The following PCDH11X variants were observed in gnomAD, a reference collection of about 807,000 sequenced individuals.
PCDH11X encodes protocadherin-11 X-linked.
A neutral mutation model predicts 53.3 loss-of-function variants in PCDH11X; 18 were observed. The observed-to-expected ratio is 0.34, with a 90% CI of 0.23 to 0.50. The LOEUF is 0.50. Among genes scored for constraint, PCDH11X ranks in the 20% least tolerant of loss-of-function variants. The pLI, the probability that PCDH11X is intolerant of heterozygous loss-of-function variation, is 0.98. For synonymous variants in PCDH11X, 279 were observed against 393.3 expected (o/e 0.71, Z 3.44); for missense variants, 570 against 1,032.4 (o/e 0.55, Z 6.14).
chrX:92,068,884 T>G (rs2063656034), intron 6 of PCDH11X, among the ~76,000 whole-genome samples: 2 of 110,997 alleles, frequency 1.8e-5, no homozygotes, highest in Admixed American at 9.7e-5. Flanking sequence ...TTAAGACTAG[T>G]TTTGTGACTT....
chrX:92,127,298 C>T (rs1391542201), intron 6 of PCDH11X, among the ~76,000 whole-genome samples: 22 of 107,387 alleles, frequency 2.0e-4, no homozygotes, highest in Non-Finnish European at 3.8e-4. Flanking sequence ...GAGTGCTTTC[C>T]GTACCAGCCA....
chrX:92,444,303 G>A (rs1417903985), intron 9 of PCDH11X, among the ~76,000 whole-genome samples: 2 of 108,306 alleles, frequency 1.8e-5, no homozygotes, highest in Non-Finnish European at 3.8e-5. Flanking sequence ...TAAATGAGAT[G>A]ACATTCTTGA....
At chrX:91,794,391 T>A (rs2147526764) in intron 1 of PCDH11X, among the ~76,000 whole-genome samples, 1 of 111,716 alleles carries the variant, frequency 9.0e-6, no homozygotes, top group Admixed American at 9.5e-5. Context: ...CCATGTAGAC[T>A]GAGTTACTGG....
intron 6 of PCDH11X, among the ~76,000 whole-genome samples, chrX:92,195,336 G>T (rs1007550334): frequency 3.6e-5 from 4 of 111,461 alleles, no homozygotes; most frequent in African/African-American, 1.3e-4. Context: ...CAAGCTTGTT[G>T]ATTTTTCCAC....
intron 8 of PCDH11X, among the ~76,000 whole-genome samples, chrX:92,305,902 C>A (rs1020385515): frequency 1.9e-5 from 2 of 105,436 alleles, no homozygotes; most frequent in Non-Finnish European, 3.9e-5. Context: ...ACTGTTGAAC[C>A]AAATGTACAA....
At chrX:92,323,827 A>T (rs1176431168) in intron 8 of PCDH11X, among the ~76,000 whole-genome samples, 1 of 111,248 alleles carries the variant, frequency 9.0e-6, no homozygotes, top group Non-Finnish European at 1.9e-5. Context: ...AAATATCTGG[A>T]TTTCTCTCTG....
chrX:92,489,562 C>T (rs1027755647), intron 10 of PCDH11X, among the ~76,000 whole-genome samples: 7 of 108,952 alleles, frequency 6.4e-5, no homozygotes, highest in East Asian at 2.9e-4. Flanking sequence ...GCATGTATCC[C>T]GACTCCTGCT....
At chrX:91,917,740 CAT>C (rs1201358116) in intron 6 of PCDH11X, among the ~76,000 whole-genome samples, 1 of 105,885 alleles carries the variant, frequency 9.4e-6, no homozygotes. Context: ...TGAAAATCAC[CAT>C]ACTACCAAAA....
rs1289764459 is a variant in PCDH11X at position 91,810,234 on chromosome X, GT to G, written c.-209-233del. On this transcript the variant is annotated intron_variant, in intron 2 of 10. Transcript: ENST00000682573. Reference sequence around the variant, plus strand: ...CCTCCCAAAGTATCAGGGATTTTTTGTTTTTTAATCCAAGAGAGATTTATGA... The same window carrying G: ...CCTCCCAAAGTATCAGGGATTTTTTGTTTTTAATCCAAGAGAGATTTATGA... Among the ~76,000 whole-genome samples the G allele has an allele frequency of 3.6e-5, 4 of 110,628 alleles. 1 individual carries two copies. The highest frequency in any genetic ancestry group is 2.9e-4 in the Admixed American group (3 of 10,388).
At chrX:92,225,025 T>C (rs144218665) in intron 7 of PCDH11X, among the ~76,000 whole-genome samples, 1,594 of 111,412 alleles carry the variant, frequency 0.014, 26 homozygotes, top group African/African-American at 0.049. Context: ...TATAGAAACA[T>C]ATTGGGCTTC....
At chrX:92,009,789 G>A (rs1424688682) in intron 6 of PCDH11X, among the ~76,000 whole-genome samples, 2 of 94,342 alleles carry the variant, frequency 2.1e-5, no homozygotes, top group Non-Finnish European at 4.0e-5. Flanking sequence ...TGCAACCTCC[G>A]CCTCCTGGGT....
chrX:91,985,294 C>G (rs2062211382), intron 6 of PCDH11X, among the ~76,000 whole-genome samples: 3 of 111,856 alleles, frequency 2.7e-5, no homozygotes, highest in Non-Finnish European at 3.8e-5. Context: ...ATCACAAGGT[C>G]AGGGTTTTGA....
At chrX:92,312,354 G>A (rs2068968510) in intron 8 of PCDH11X, among the ~76,000 whole-genome samples, 1 of 110,684 alleles carries the variant, frequency 9.0e-6, no homozygotes, top group Non-Finnish European at 1.9e-5. Context: ...TTAGTATGTA[G>A]TATGAAAAAA....
At chrX:92,027,059 G>A (rs1175139695) in intron 6 of PCDH11X, among the ~76,000 whole-genome samples, 2 of 109,816 alleles carry the variant, frequency 1.8e-5, no homozygotes, top group Non-Finnish European at 3.8e-5. Context: ...TAAGGTACAC[G>A]TTTTAAATTT....
chrX:91,914,150 A>G (rs978059288), intron 6 of PCDH11X, among the ~76,000 whole-genome samples: 4 of 110,714 alleles, frequency 3.6e-5, no homozygotes, highest in African/African-American at 1.3e-4. Context: ...CAGAAGAGCA[A>G]TAACAATCAC....
chrX:92,068,631 C>T (rs189906818), intron 6 of PCDH11X, among the ~76,000 whole-genome samples: 2 of 109,014 alleles, frequency 1.8e-5, no homozygotes, highest in Admixed American at 2.0e-4. Context: ...CCTCTGCTTT[C>T]CAGGTTCAAG....
At chrX:92,187,830 A>G (rs1252364306) in intron 6 of PCDH11X, among the ~76,000 whole-genome samples, 1 of 112,166 alleles carries the variant, frequency 8.9e-6, no homozygotes, top group African/African-American at 3.2e-5. Flanking sequence ...AATCCTGAAT[A>G]TAAACATGAT....
chrX:92,438,397 T>C (rs1299789441), intron 9 of PCDH11X, among the ~76,000 whole-genome samples: 1 of 111,275 alleles, frequency 9.0e-6, no homozygotes, highest in Non-Finnish European at 1.9e-5. Context: ...TTATGTATCA[T>C]TTATTGGGGT....
At chrX:92,041,648 A>G (rs2063211098) in intron 6 of PCDH11X, among the ~76,000 whole-genome samples, 1 of 112,357 alleles carries the variant, frequency 8.9e-6, no homozygotes, top group Non-Finnish European at 1.9e-5. Flanking sequence ...AAAAAAATTA[A>G]TGAGTACCAC....
Sources: allele counts gnomAD v4.1 joint callset (sites outside exome capture counted in the v4.1 genomes callset), GRCh38; gene constraint gnomAD v4.1.1; transcripts MANE v1.5; gene names NCBI Gene and HGNC (gene_info 2026-07-23, HGNC 2026-07-21).